Variants in KIF27 observed in about 807,000 individuals in gnomAD.
KIF27 encodes the protein kinesin-like protein KIF27.
Under a neutral mutation model 141.8 loss-of-function variants are expected in KIF27, and 84 were observed. The observed-to-expected ratio is 0.59, with a 90% CI of 0.50 to 0.71. KIF27 has a LOEUF of 0.71. KIF27 is among the 30% of genes least tolerant of loss of function. The pLI, the probability that KIF27 is intolerant of heterozygous loss-of-function variation, is 0.00. For synonymous variants in KIF27, 471 were observed against 569.5 expected, an observed-to-expected ratio of 0.83 and a Z score of 2.46; for missense variants, 1,306 against 1,628.4, an observed-to-expected ratio of 0.80 and a Z score of 3.41.
chr9:83,854,719 A>G (rs1463028493), intron 14 of KIF27, among the ~76,000 whole-genome samples: 3 of 152,126 alleles, frequency 2.0e-5, no homozygotes, highest in Non-Finnish European at 4.4e-5. Flanking sequence ...TCTTTGAACT[A>G]TCCAAATACA....
rs763268961 is a variant in KIF27, at chr9:83,915,318, A to AT, written c.273dup (p.Tyr92IlefsTer32). 6.2e-7 allele frequency: 1 copy of AT among 1,612,120 alleles called. No individual in the cohort carries two copies. Among genetic ancestry groups the AT allele is most frequent in the East Asian group, 2.2e-5 (1 of 44,842 alleles). On this transcript the variant is annotated frameshift_variant, in exon 2 of 18. Transcript: ENST00000297814. LOFTEE classifies it high-confidence loss of function. ...CCAATATGGCCCCCTCCAATGGTGT[A>AT]TGTCTTCCCAGATCCAGTTTGTCCA...
At chr9:83,904,166 C>T in intron 3 of KIF27, 148 bp from the exon 4 acceptor site, 3 of 564,840 alleles carry the variant, frequency 5.3e-6, no homozygotes, top group Non-Finnish European at 3.1e-6. Flanking sequence ...ACATCAGCAA[C>T]ATCATCAAAT....
chr9:83,895,624 A>G (rs575896006), intron 5 of KIF27, among the ~76,000 whole-genome samples: 3 of 149,330 alleles, frequency 2.0e-5, no homozygotes, highest in South Asian at 2.1e-4. Context: ...TATTTAAAGT[A>G]TACAATATAG....
At chr9:83,899,852 A>C in intron 4 of KIF27, 48 bp from the exon 5 acceptor site, 1 of 1,529,600 alleles carries the variant, frequency 6.5e-7, no homozygotes, top group Non-Finnish European at 8.9e-7. Flanking sequence ...GAAAATAATC[A>C]AGAAACCCCA....
chr9:83,919,166 G>A (rs1476561060), intron 1 of KIF27, among the ~76,000 whole-genome samples: 3 of 152,118 alleles, frequency 2.0e-5, no homozygotes, highest in Admixed American at 6.6e-5. Context: ...ATAAGTGTTG[G>A]CAGGGTATAA....
intron 1 of KIF27, among the ~76,000 whole-genome samples, chr9:83,918,374 C>T (rs1017029347): frequency 1.3e-4 from 19 of 149,862 alleles, no homozygotes; most frequent in South Asian, 6.3e-4. Flanking sequence ...GAAGGAAAAA[C>T]GACATCAAAA....
chr9:83,842,721 C>T (rs1032192649), intron 16 of KIF27, among the ~76,000 whole-genome samples: 1 of 152,176 alleles, frequency 6.6e-6, no homozygotes, highest in Non-Finnish European at 1.5e-5. Flanking sequence ...CCGCCTCGGC[C>T]TCCCAAAGTG....
intron 1 of KIF27, among the ~76,000 whole-genome samples, chr9:83,917,142 C>T (rs532323287): frequency 6.6e-6 from 1 of 151,980 alleles, no homozygotes; most frequent in Admixed American, 6.6e-5. Context: ...CTTCCCCCAC[C>T]CCACAACAAG....
At chr9:83,859,985 T>C (rs994853633) in intron 13 of KIF27, 1 of 152,304 alleles carries the variant, frequency 6.6e-6, no homozygotes, top group Non-Finnish European at 1.5e-5. Context: ...CTTTTCTTTC[T>C]TGGCTTACAT....
chr9:83,836,704 T>C lies in KIF27; in HGVS notation c.*297A>G, dbSNP rs1945886077. 1.1e-5 allele frequency: 3 copies of C among 264,996 alleles called. No homozygotes were observed. In the South Asian group the frequency reaches 2.1e-4, roughly 18 times the overall value. 16.4% of individuals were successfully genotyped at this position (264,996 alleles called of 1,614,324 possible). A position where few individuals can be genotyped will look rare whatever the true frequency, so the allele number is the denominator to read the frequency against. The stretch of plus-strand genomic sequence containing the variant: ...AATACATACTTGATAGATATTTTAG[T>C]CTATTACTAGTTTTAATCTTCAAAT... On this transcript the variant is annotated 3_prime_UTR_variant, in exon 18 of 18. Coordinates refer to ENST00000297814, the MANE Select transcript of KIF27 (RefSeq NM_017576.4).
intron 10 of KIF27, among the ~76,000 whole-genome samples, chr9:83,883,171 T>C (rs1244713281): frequency 6.6e-6 from 1 of 152,132 alleles, no homozygotes; most frequent in African/African-American, 2.4e-5. Flanking sequence ...AAGAAAGCAG[T>C]AGACCATGAG....
At chr9:83,855,051 G>C (rs1228072969) in intron 14 of KIF27, 1 of 144,112 alleles carries the variant, frequency 6.9e-6, no homozygotes, top group Non-Finnish European at 1.5e-5. Flanking sequence ...TTTTTTTTTT[G>C]ACAGGGTCTC....
chr9:83,843,622 C>T (rs1425648222), intron 16 of KIF27, among the ~76,000 whole-genome samples: 1 of 152,106 alleles, frequency 6.6e-6, no homozygotes, highest in Non-Finnish European at 1.5e-5. Context: ...TAAAGTATGT[C>T]ATATTAATCA....
Position 83,870,166 on chromosome 9 carries a change from T to C in KIF27, c.2757+353A>G, listed in dbSNP as rs142611891. On this transcript the variant is annotated intron_variant, in intron 12 of 17. Transcript: ENST00000297814. The stretch of plus-strand genomic sequence containing the variant: ...CTCTATCTATCTATCTATCTATCTA[T>C]CTACCTATCTATTTATTGAGAGGGA... Among the ~76,000 whole-genome samples the C allele has an allele frequency of 6.0e-3, 909 of 152,132 alleles. 10 individuals carry two copies. Among genetic ancestry groups the C allele is most frequent in the African/African-American group, 0.021 (862 of 41,496 alleles).
chr9:83,892,608 T>A (rs1207079223), intron 5 of KIF27, among the ~76,000 whole-genome samples: 1 of 151,926 alleles, frequency 6.6e-6, no homozygotes, highest in African/African-American at 2.4e-5. Context: ...AATAATGAAA[T>A]TAAAAGATAA....
intron 3 of KIF27, among the ~76,000 whole-genome samples, chr9:83,907,480 T>G (rs1954683160): frequency 6.6e-6 from 1 of 152,060 alleles, no homozygotes; most frequent in African/African-American, 2.4e-5. Flanking sequence ...GATGAACATG[T>G]TAGCTTTTAA....
intron 10 of KIF27, 113 bp from the exon 11 acceptor site, chr9:83,880,607 T>G (rs1419815599): frequency 7.9e-6 from 7 of 889,826 alleles, no homozygotes; most frequent in Non-Finnish European, 8.5e-6. Context: ...GATTTTCATT[T>G]ATTTTTGACA....
At chr9:83,857,779 G>C (rs923696914) in intron 14 of KIF27, among the ~76,000 whole-genome samples, 1 of 151,978 alleles carries the variant, frequency 6.6e-6, no homozygotes, top group Non-Finnish European at 1.5e-5. Context: ...ATCTACTGAG[G>C]CTGCCTTGAT....
rs776901581 is a variant in KIF27 at position 83,852,452 on chromosome 9, C to CAA, written c.3357+1175_3357+1176dup. Among the ~76,000 whole-genome samples, 319 of 103,856 alleles carry CAA rather than the reference C, an allele frequency of 3.1e-3. 2 individuals are homozygous for CAA. Among genetic ancestry groups the CAA allele is most frequent in the African/African-American group, 1.0e-2 (284 of 28,518 alleles). The allele number at this position is 103,856 out of a possible 152,430, so 68.1% of individuals were successfully genotyped here. A position where few individuals can be genotyped will look rare whatever the true frequency, so the allele number is the denominator to read the frequency against. ...TGGGCGACAGAGCGAGACTCTGTCT[C>CAA]AAAAAAAAAAAAAAAAGTTATCTAT... On this transcript the variant is annotated intron_variant, in intron 15 of 17. Coordinates refer to ENST00000297814, the MANE Select transcript of KIF27 (RefSeq NM_017576.4).
Sources: gnomAD v4.1 joint callset for allele counts (sites outside exome capture counted in the v4.1 genomes callset) on GRCh38, gnomAD v4.1.1 for gene constraint, MANE v1.5 for transcripts, NCBI Gene and HGNC (gene_info 2026-07-23, HGNC 2026-07-21) for gene names.